Variants in PCDH11X observed in about 807,000 individuals in gnomAD.
PCDH11X encodes the protein protocadherin 11 X-linked.
Under a neutral mutation model 53.3 loss-of-function variants are expected in PCDH11X, and 18 were observed. The ratio of observed to expected loss-of-function variants is 0.34; its 90% CI spans 0.23 to 0.50. The LOEUF (loss-of-function observed/expected upper bound fraction) is 0.50, where lower values mean the gene tolerates loss of function less well. PCDH11X is among the 20% of genes least tolerant of loss of function. The pLI is 0.98. For synonymous variants in PCDH11X, 279 were observed against 393.3 expected, an observed-to-expected ratio of 0.71 and a Z score of 3.44; for missense variants, 570 against 1,032.4, an observed-to-expected ratio of 0.55 and a Z score of 6.14.
chrX:91,830,777 G>C (rs1468547125), intron 4 of PCDH11X, among the ~76,000 whole-genome samples: 2 of 110,920 alleles, frequency 1.8e-5, no homozygotes, highest in African/African-American at 6.5e-5. Flanking sequence ...TTAGGATAAT[G>C]GGCAGCAGAT....
chrX:92,069,069 G>A (rs764482434), intron 6 of PCDH11X, among the ~76,000 whole-genome samples: 29 of 109,107 alleles, frequency 2.7e-4, no homozygotes, highest in Admixed American at 5.9e-4. Flanking sequence ...TCCTGAAAGC[G>A]GGGTGAAGTC....
chrX:92,022,535 A>C (rs2525395), intron 6 of PCDH11X, among the ~76,000 whole-genome samples: 28,365 of 98,354 alleles, frequency 0.29, 6,104 homozygotes, highest in African/African-American at 0.6. Flanking sequence ...TAAAGCAAGT[A>C]CTTAGAGAAC....
Position 91,823,611 on chromosome X carries a change from A to G in PCDH11X, c.-44-11850A>G, listed in dbSNP as rs774238231. Among the ~76,000 whole-genome samples, 70 of 111,282 alleles carry G rather than the reference A, an allele frequency of 6.3e-4. No individual in the cohort carries two copies. The South Asian group carries it at 7.9e-3, about 13-fold the overall frequency. On this transcript the variant is annotated intron_variant, in intron 4 of 10. Coordinates refer to ENST00000682573, the MANE Select transcript of PCDH11X (RefSeq NM_032968.5). ...CTTCCTGAATACAGCACACTGATGG[A>G]TCTTGACTCTTTATCCAATTTGCCA...
chrX:92,067,672 C>T (rs142465946), intron 6 of PCDH11X, among the ~76,000 whole-genome samples: 114 of 106,944 alleles, frequency 1.1e-3, no homozygotes, highest in African/African-American at 4.1e-3. Context: ...TAATACCGGC[C>T]ATGTTGAATG....
intron 9 of PCDH11X, among the ~76,000 whole-genome samples, chrX:92,432,843 A>G (rs2072280887): frequency 9.2e-6 from 1 of 109,114 alleles, no homozygotes; most frequent in African/African-American, 3.3e-5. Context: ...AAACCTAGTG[A>G]ACAAACTTTC....
intron 8 of PCDH11X, among the ~76,000 whole-genome samples, chrX:92,270,344 G>A (rs749364827): frequency 2.0e-4 from 22 of 110,350 alleles, no homozygotes; most frequent in African/African-American, 5.6e-4. Flanking sequence ...AGCTGGCCTC[G>A]AACTCCTGAC....
At chrX:92,313,440 A>G (rs1301168606) in intron 8 of PCDH11X, among the ~76,000 whole-genome samples, 1 of 111,406 alleles carries the variant, frequency 9.0e-6, no homozygotes, top group Non-Finnish European at 1.9e-5. Context: ...ACATTAAAGA[A>G]AAGATACAAT....
At chrX:91,918,040 T>A (rs1314323794) in intron 6 of PCDH11X, among the ~76,000 whole-genome samples, 1 of 100,098 alleles carries the variant, frequency 1.0e-5, no homozygotes, top group African/African-American at 3.6e-5. Flanking sequence ...GAGAGACACA[T>A]CATTTTGTAT....
intron 5 of PCDH11X, among the ~76,000 whole-genome samples, chrX:91,854,613 C>T (rs775444699): frequency 4.5e-4 from 51 of 112,244 alleles, no homozygotes; most frequent in Non-Finnish European, 3.8e-4. Flanking sequence ...TTTACATTCC[C>T]ACAAACACTG....
intron 1 of PCDH11X, among the ~76,000 whole-genome samples, chrX:91,794,547 T>A (rs1935668867): frequency 8.9e-6 from 1 of 111,791 alleles, no homozygotes; most frequent in Non-Finnish European, 1.9e-5. Flanking sequence ...GATGAGATAT[T>A]CAGATTCTAC....
intron 6 of PCDH11X, among the ~76,000 whole-genome samples, chrX:92,168,357 G>A (rs767381480): frequency 9.0e-6 from 1 of 110,988 alleles, no homozygotes; most frequent in South Asian, 3.8e-4. Flanking sequence ...CCAGGAATTC[G>A]AGACCAGCTT....
intron 6 of PCDH11X, among the ~76,000 whole-genome samples, chrX:91,900,857 A>G (rs1333449439): frequency 1.8e-5 from 2 of 111,782 alleles, no homozygotes; most frequent in Non-Finnish European, 3.8e-5. Flanking sequence ...TGGGTTTTGT[A>G]TGGCACTTAA....
chrX:92,246,354 G>T (rs367833386), intron 7 of PCDH11X, among the ~76,000 whole-genome samples: 2 of 110,181 alleles, frequency 1.8e-5, no homozygotes. Context: ...TTACTTTTTT[G>T]TTGTTGTTGT....
chrX:92,482,742 A>C (rs1268534116), intron 10 of PCDH11X, among the ~76,000 whole-genome samples: 2 of 108,205 alleles, frequency 1.8e-5, no homozygotes, highest in African/African-American at 6.7e-5. Context: ...ATCTATGGTT[A>C]TAGTATCTGT....
rs1415846958 is a variant in PCDH11X at position 92,452,463 on chromosome X, G to GTGTGTA, written c.3344-15835_3344-15834insGTGTAT. 6.5e-3 allele frequency among the ~76,000 whole-genome samples: 289 copies of GTGTGTA among 44,665 alleles called. 1 individual carries two copies. The highest frequency in any genetic ancestry group is 9.6e-3 in the Admixed American group (28 of 2,903). 38.8% of individuals were successfully genotyped at this position (44,665 alleles called of 115,157 possible). ...TTGTATAATATAGATGTGTGTGTGT[G>GTGTGTA]TATATATATATATATATATATATAT... On this transcript the variant is annotated intron_variant, in intron 9 of 10. Coordinates refer to ENST00000682573, the MANE Select transcript of PCDH11X (RefSeq NM_032968.5).
chrX:92,442,677 T>C (rs12116125), intron 9 of PCDH11X, among the ~76,000 whole-genome samples: 12,095 of 103,211 alleles, frequency 0.12, 640 homozygotes, highest in Middle Eastern at 0.14. Flanking sequence ...TTTGGGTTTA[T>C]GTACTTGTAT....
At chrX:92,273,527 C>T (rs28766074) in intron 8 of PCDH11X, among the ~76,000 whole-genome samples, 2 of 110,619 alleles carry the variant, frequency 1.8e-5, no homozygotes, top group Non-Finnish European at 3.8e-5. Flanking sequence ...TTCCTGCCTT[C>T]TTAATAAGAA....
chrX:91,905,722 A>T (rs181780494), intron 6 of PCDH11X, among the ~76,000 whole-genome samples: 4 of 111,216 alleles, frequency 3.6e-5, no homozygotes, highest in African/African-American at 1.3e-4. Context: ...CTCTGTGTCA[A>T]CTCTACACTT....
intron 6 of PCDH11X, among the ~76,000 whole-genome samples, chrX:91,909,769 A>AT (rs34017573): frequency 6.3e-5 from 7 of 110,355 alleles, no homozygotes; most frequent in African/African-American, 1.6e-4. Flanking sequence ...GAGTTGTCTG[A>AT]TTTTTTTCTC....
Sources: gnomAD v4.1 joint callset for allele counts (sites outside exome capture counted in the v4.1 genomes callset) on GRCh38, gnomAD v4.1.1 for gene constraint, MANE v1.5 for transcripts, NCBI Gene and HGNC (gene_info 2026-07-23, HGNC 2026-07-21) for gene names.